Variants in PCDH9 observed in about 807,000 individuals in gnomAD.
The protein encoded by PCDH9 is protocadherin 9, also known as protocadherin-9.
A neutral mutation model predicts 70.6 loss-of-function variants in PCDH9; 24 were observed. The observed-to-expected ratio is 0.34, with a 90% CI of 0.25 to 0.48. The LOEUF (loss-of-function observed/expected upper bound fraction) is 0.48. Ranked by LOEUF, PCDH9 falls within the 20% of genes least tolerant of loss-of-function variation. PCDH9 has a pLI of 0.99. For synonymous variants in PCDH9, 562 were observed against 558.5 expected, an observed-to-expected ratio of 1.01 and a Z score of -0.09; for missense variants, 1,281 against 1,503.6, an observed-to-expected ratio of 0.85 and a Z score of 2.45.
At chr13:66,829,274 C>T (rs1005305730) in intron 3 of PCDH9, among the ~76,000 whole-genome samples, 1 of 152,154 alleles carries the variant, frequency 6.6e-6, no homozygotes, top group Non-Finnish European at 1.5e-5. Context: ...ACCTCGGCCT[C>T]CCAAAGTGTT....
At position 67,230,271 on chromosome 13, in the gene PCDH9, C is replaced by T. The variant is rs1399147083; in HGVS notation, c.-627G>A. 2.6e-5 allele frequency: 4 copies of T among 152,500 alleles called. No individual in the cohort carries two copies. The highest frequency in any genetic ancestry group is 6.5e-5 in the Admixed American group (1 of 15,288). The allele number at this position is 152,500 out of a possible 1,614,324, so 9.4% of individuals were successfully genotyped here. On this transcript the variant is annotated 5_prime_UTR_variant, in exon 1 of 5. Transcript: ENST00000377865. ...GACTCTGAGGCGCTCCTTTCCGTCTCGCGTGCTCTCCCTCTCTCCCTTCCC... is the reference window on the plus strand; with the variant it reads ...GACTCTGAGGCGCTCCTTTCCGTCTTGCGTGCTCTCCCTCTCTCCCTTCCC...
chr13:66,521,012 T>C (rs938057785), intron 4 of PCDH9, among the ~76,000 whole-genome samples: 2 of 152,084 alleles, frequency 1.3e-5, no homozygotes, highest in Non-Finnish European at 1.5e-5. Context: ...AAACACTGAA[T>C]GAAAGACTAA....
chr13:66,622,541 G>T (rs1162936908), intron 4 of PCDH9, among the ~76,000 whole-genome samples: 1 of 152,162 alleles, frequency 6.6e-6, no homozygotes, highest in African/African-American at 2.4e-5. Context: ...CTCAGGGTTT[G>T]TGAATGCACC....
chr13:66,351,003 C>T (rs898266276), intron 4 of PCDH9, among the ~76,000 whole-genome samples: 3 of 152,024 alleles, frequency 2.0e-5, no homozygotes, highest in Admixed American at 2.0e-4. Flanking sequence ...GAATATAGGA[C>T]CAACTGAACA....
At chr13:66,484,732 A>T (rs1958910311) in intron 4 of PCDH9, among the ~76,000 whole-genome samples, 1 of 152,136 alleles carries the variant, frequency 6.6e-6, no homozygotes, top group African/African-American at 2.4e-5. Context: ...AGAGTGGGCG[A>T]TCTGAATTCT....
chr13:66,538,846 G>A (rs1025654924), intron 4 of PCDH9, among the ~76,000 whole-genome samples: 1 of 152,034 alleles, frequency 6.6e-6, no homozygotes, highest in Non-Finnish European at 1.5e-5. Flanking sequence ...TTTTTCTCCA[G>A]GGAGTGTAAG....
At chr13:66,951,910 T>C (rs2083188517) in intron 2 of PCDH9, among the ~76,000 whole-genome samples, 1 of 152,160 alleles carries the variant, frequency 6.6e-6, no homozygotes, top group South Asian at 2.1e-4. Context: ...GGTGAATTTG[T>C]ATGTTAATCC....
At chr13:67,074,584 T>C (rs1442551498) in intron 2 of PCDH9, among the ~76,000 whole-genome samples, 1 of 152,172 alleles carries the variant, frequency 6.6e-6, no homozygotes, top group African/African-American at 2.4e-5. Flanking sequence ...TCCAAGAGGA[T>C]ATTTACTTCC....
chr13:67,007,314 G>T (rs2084372170), intron 2 of PCDH9, among the ~76,000 whole-genome samples: 1 of 151,842 alleles, frequency 6.6e-6, no homozygotes, highest in Non-Finnish European at 1.5e-5. Flanking sequence ...ATAAAATTTT[G>T]AGTAAAAAAA....
chr13:67,163,796 C>A (rs145046949), intron 2 of PCDH9, among the ~76,000 whole-genome samples: 2 of 152,246 alleles, frequency 1.3e-5, no homozygotes, highest in East Asian at 3.9e-4. Context: ...ATGGTTAATT[C>A]TTTTCTTATA....
At chr13:66,824,391 C>T (rs1005746545) in intron 3 of PCDH9, among the ~76,000 whole-genome samples, 1 of 147,086 alleles carries the variant, frequency 6.8e-6, no homozygotes, top group African/African-American at 2.5e-5. Flanking sequence ...CGCGGTGGCT[C>T]ATGCCTGTAA....
chr13:67,098,761 G>A (rs1271234941), intron 2 of PCDH9, among the ~76,000 whole-genome samples: 2 of 151,518 alleles, frequency 1.3e-5, no homozygotes, highest in Non-Finnish European at 2.9e-5. Context: ...AACTAATGCA[G>A]AATAATATAG....
intron 3 of PCDH9, among the ~76,000 whole-genome samples, chr13:66,699,346 T>C (rs553886664): frequency 1.3e-5 from 2 of 152,254 alleles, no homozygotes; most frequent in East Asian, 3.9e-4. Flanking sequence ...AAATGGCGGT[T>C]CCCCAAAACA....
Position 67,029,364 on chromosome 13 carries a change from C to T in PCDH9, c.3037-125759G>A, listed in dbSNP as rs184131736. On this transcript the variant is annotated intron_variant, in intron 2 of 4. Transcript: ENST00000377865. ...AACGCAGTCTTTGCAAGTTCTCACT[C>T]TTTCTAATTTTCTAGCTCTGTAAAA... Among the ~76,000 whole-genome samples the T allele has an allele frequency of 4.4e-3, 675 of 152,282 alleles. 3 individuals are homozygous for T. The highest frequency in any genetic ancestry group is 5.7e-3 in the Non-Finnish European group (385 of 68,028).
intron 4 of PCDH9, among the ~76,000 whole-genome samples, chr13:66,349,386 G>A (rs970648559): frequency 6.6e-6 from 1 of 152,172 alleles, no homozygotes; most frequent in Non-Finnish European, 1.5e-5. Flanking sequence ...TAGGATATTT[G>A]AGACCCAAAG....
chr13:66,729,494 T>C (rs556929102), intron 3 of PCDH9, among the ~76,000 whole-genome samples: 2 of 152,270 alleles, frequency 1.3e-5, no homozygotes, highest in South Asian at 2.1e-4. Context: ...TAACAATCTT[T>C]ATACCTTCCT....
chr13:67,075,125 G>A (rs1442312293), intron 2 of PCDH9, among the ~76,000 whole-genome samples: 1 of 151,804 alleles, frequency 6.6e-6, no homozygotes, highest in Non-Finnish European at 1.5e-5. Flanking sequence ...CTTAGAAGCA[G>A]ATAGCCAAAT....
intron 3 of PCDH9, among the ~76,000 whole-genome samples, chr13:66,794,313 G>T (rs1043166978): frequency 4.6e-5 from 7 of 152,028 alleles, no homozygotes; most frequent in African/African-American, 1.7e-4. Flanking sequence ...AGCAAGGGAA[G>T]AAACATGGAT....
intron 2 of PCDH9, among the ~76,000 whole-genome samples, chr13:67,050,781 G>A (rs2085306017): frequency 6.6e-6 from 1 of 152,148 alleles, no homozygotes; most frequent in Non-Finnish European, 1.5e-5. Context: ...TGTCTGACAA[G>A]CAGGAGTGTA....
Sources: gnomAD v4.1 joint callset for allele counts (sites outside exome capture counted in the v4.1 genomes callset) on GRCh38, gnomAD v4.1.1 for gene constraint, MANE v1.5 for transcripts, NCBI Gene and HGNC (gene_info 2026-07-23, HGNC 2026-07-21) for gene names.